SGCZ: variants seen among roughly 807,000 people sequenced by gnomAD.
The protein encoded by SGCZ is zeta-sarcoglycan.
SGCZ carries 40 observed loss-of-function variants against 41.3 expected under a neutral mutation model. The observed-to-expected ratio is 0.97, with a 90% CI of 0.75 to 1.26. The LOEUF is 1.26. Among genes scored for constraint, SGCZ ranks in the 50% most tolerant of loss-of-function variants. The pLI, the probability that SGCZ is intolerant of heterozygous loss-of-function variation, is 0.00. For synonymous variants in SGCZ, 206 were observed against 137.5 expected, an observed-to-expected ratio of 1.50 and a Z score of -3.49; for missense variants, 552 against 369.8, an observed-to-expected ratio of 1.49 and a Z score of -4.04.
intron 4 of SGCZ, among the ~76,000 whole-genome samples, chr8:14,193,167 A>T (rs1250534823): frequency 1.3e-5 from 2 of 151,884 alleles, no homozygotes; most frequent in African/African-American, 4.8e-5. Context: ...TGTGAAATTT[A>T]AAATCATAAG....
At chr8:14,368,637 A>G (rs1803800423) in intron 2 of SGCZ, among the ~76,000 whole-genome samples, 1 of 152,048 alleles carries the variant, frequency 6.6e-6, no homozygotes, top group South Asian at 2.1e-4. Context: ...TTTTTGAAAG[A>G]GCACTCCAGT....
intron 5 of SGCZ, among the ~76,000 whole-genome samples, chr8:14,126,700 C>T (rs1301129229): frequency 6.6e-6 from 1 of 152,126 alleles, no homozygotes; most frequent in Non-Finnish European, 1.5e-5. Context: ...TTTACTGCAA[C>T]ACTATTGACA....
intron 1 of SGCZ, among the ~76,000 whole-genome samples, chr8:15,102,564 A>C (rs1259659159): frequency 6.6e-6 from 1 of 152,204 alleles, no homozygotes; most frequent in East Asian, 1.9e-4. Flanking sequence ...GAAATATAAC[A>C]AGCATACCAC....
chr8:14,287,107 TATA>T (rs1800666598), intron 3 of SGCZ, among the ~76,000 whole-genome samples: 1 of 149,760 alleles, frequency 6.7e-6, no homozygotes, highest in Non-Finnish European at 1.5e-5. Context: ...CACATAAGTA[TATA>T]ATATTTGAGT....
chr8:14,829,687 C>CTT (rs61294393), intron 1 of SGCZ, among the ~76,000 whole-genome samples: 19,610 of 151,914 alleles, frequency 0.13, 1,620 homozygotes, highest in East Asian at 0.35. Flanking sequence ...TTTCTTACGT[C>CTT]TTTTCTTACA....
chr8:14,343,818 T>C (rs764601950), intron 2 of SGCZ, among the ~76,000 whole-genome samples: 120 of 152,198 alleles, frequency 7.9e-4, no homozygotes, highest in African/African-American at 2.6e-3. Flanking sequence ...GTATTTATCA[T>C]TTTTTTCAGA....
intron 2 of SGCZ, among the ~76,000 whole-genome samples, chr8:14,328,362 C>T (rs1485287294): frequency 1.3e-5 from 2 of 152,136 alleles, no homozygotes; most frequent in Non-Finnish European, 2.9e-5. Context: ...AGGTAACAGA[C>T]TCTAATGTAC....
intron 1 of SGCZ, among the ~76,000 whole-genome samples, chr8:14,875,585 A>G (rs17120453): frequency 0.061 from 9,218 of 152,168 alleles, 513 homozygotes; most frequent in African/African-American, 0.15. Context: ...ATAAAATACT[A>G]AGAAAAGCAC....
intron 4 of SGCZ, among the ~76,000 whole-genome samples, chr8:14,169,045 G>C (rs1023400287): frequency 6.6e-6 from 1 of 152,138 alleles, no homozygotes; most frequent in Non-Finnish European, 1.5e-5. Flanking sequence ...CTAGAGTTAG[G>C]ATTCAAGCCA....
At position 14,549,953 on chromosome 8, in the gene SGCZ, T is replaced by C. The variant is rs1355699049; in HGVS notation, c.234+4779A>G. ...AACAAAAGAAACTCCTACAGGTTGC[T>C]AGTGGTGGTATAAATTGATACAATC... On this transcript the variant is annotated intron_variant, in intron 2 of 7. Transcript: ENST00000382080. Among the ~76,000 whole-genome samples, 3 of 152,042 alleles carry C rather than the reference T, an allele frequency of 2.0e-5. No homozygotes were observed. The East Asian group carries it at 5.8e-4, about 29-fold the overall frequency.
At chr8:14,766,552 T>A (rs1001447939) in intron 1 of SGCZ, among the ~76,000 whole-genome samples, 17 of 151,864 alleles carry the variant, frequency 1.1e-4, no homozygotes, top group African/African-American at 3.9e-4. Flanking sequence ...TTTTATTACT[T>A]TTAAAAATAT....
At chr8:14,873,170 A>G (rs1054440957) in intron 1 of SGCZ, among the ~76,000 whole-genome samples, 1 of 152,146 alleles carries the variant, frequency 6.6e-6, no homozygotes, top group African/African-American at 2.4e-5. Context: ...GTTATCAGAC[A>G]GAATCCATGG....
chr8:15,190,408 C>T (rs556692), intron 1 of SGCZ, among the ~76,000 whole-genome samples: 21,159 of 151,864 alleles, frequency 0.14, 1,622 homozygotes, highest in African/African-American at 0.19. Context: ...AGGCTTGACA[C>T]GGCTCAGAAA....
rs373378270 is a variant in SGCZ, at chr8:14,578,275, T to C, written c.40-23349A>G. Among the ~76,000 whole-genome samples the C allele has an allele frequency of 7.2e-5, 11 of 152,266 alleles. 1 individual carries two copies. The highest frequency in any genetic ancestry group is 2.2e-4 in the African/African-American group (9 of 41,552). The stretch of plus-strand genomic sequence containing the variant: ...ACCAGCCACCACCATACATGCACCT[T>C]TTCCCTAATCCACATCTAGGCCTCC... On this transcript the variant is annotated intron_variant, in intron 1 of 7. Coordinates refer to ENST00000382080, the MANE Select transcript of SGCZ (RefSeq NM_139167.4).
intron 1 of SGCZ, among the ~76,000 whole-genome samples, chr8:14,908,047 C>T (rs374637620): frequency 1.3e-5 from 2 of 152,162 alleles, no homozygotes; most frequent in East Asian, 3.9e-4. Flanking sequence ...GAAACAGATA[C>T]ATAGAAACCA....
chr8:14,612,805 C>A (rs1327855310), intron 1 of SGCZ, among the ~76,000 whole-genome samples: 1 of 152,090 alleles, frequency 6.6e-6, no homozygotes, highest in Admixed American at 6.6e-5. Context: ...TCCTGCCTCA[C>A]TGCTCAAGTT....
rs983192930 is a variant in SGCZ, at chr8:14,790,563, T to A, written c.40-235637A>T. ...ATTTATAGAATGAATGATTCTATAATAACTAAGTAACTACATATAAATAAC... is the reference window on the plus strand; with the variant it reads ...ATTTATAGAATGAATGATTCTATAAAAACTAAGTAACTACATATAAATAAC... On this transcript the variant is annotated intron_variant, in intron 1 of 7. Coordinates refer to ENST00000382080, the MANE Select transcript of SGCZ (RefSeq NM_139167.4). 2.7e-5 allele frequency among the ~76,000 whole-genome samples: 4 copies of A among 146,414 alleles called. No individual in the cohort carries two copies. The East Asian group carries it at 7.7e-4, about 28-fold the overall frequency.
At chr8:15,106,812 T>A (rs1806843820) in intron 1 of SGCZ, among the ~76,000 whole-genome samples, 1 of 152,114 alleles carries the variant, frequency 6.6e-6, no homozygotes, top group Non-Finnish European at 1.5e-5. Flanking sequence ...TGTTTCCCAC[T>A]TTACTGGGAA....
intron 1 of SGCZ, among the ~76,000 whole-genome samples, chr8:15,127,959 T>A (rs1266914363): frequency 6.6e-6 from 1 of 152,200 alleles, no homozygotes; most frequent in East Asian, 1.9e-4. Flanking sequence ...AGACTCAGGA[T>A]GCTGACCTAT....
Sources: allele counts gnomAD v4.1 joint callset (sites outside exome capture counted in the v4.1 genomes callset), GRCh38; gene constraint gnomAD v4.1.1; transcripts MANE v1.5; gene names NCBI Gene and HGNC (gene_info 2026-07-23, HGNC 2026-07-21).